Variants in GBE1 observed in about 807,000 individuals in gnomAD.
GBE1 encodes 1,4-alpha-glucan branching enzyme 1, also known as 1,4-alpha-glucan-branching enzyme.
Under a neutral mutation model 88.8 loss-of-function variants are expected in GBE1, and 70 were observed. That is an observed-to-expected ratio of 0.79 (90% CI 0.65 to 0.96). The LOEUF is 0.96. Ranked by LOEUF, GBE1 falls within the 40% of genes least tolerant of loss-of-function variation. GBE1 has a pLI of 0.00. For missense variants in GBE1, 872 were observed against 871.0 expected, an observed-to-expected ratio of 1.00 and a Z score of -0.01; for synonymous variants, 284 against 300.1, an observed-to-expected ratio of 0.95 and a Z score of 0.56.
intron 7 of GBE1, among the ~76,000 whole-genome samples, chr3:81,622,252 C>G (rs1021361186): frequency 6.6e-6 from 1 of 152,204 alleles, no homozygotes; most frequent in African/African-American, 2.4e-5. Context: ...GACCACCATG[C>G]TAAATCAATG....
intron 2 of GBE1, among the ~76,000 whole-genome samples, chr3:81,680,251 T>C (rs1269641411): frequency 1.3e-5 from 2 of 152,170 alleles, no homozygotes; most frequent in African/African-American, 4.8e-5. Flanking sequence ...CCCAGCGCTT[T>C]GGGAGGCCGA....
At chr3:81,737,765 A>G (rs1232789209) in intron 1 of GBE1, among the ~76,000 whole-genome samples, 1 of 151,682 alleles carries the variant, frequency 6.6e-6, no homozygotes, top group Middle Eastern at 3.4e-3. Flanking sequence ...TTTGTTTATT[A>G]TTATACTTTA....
At chr3:81,515,809 T>C (rs1040180589) in intron 14 of GBE1, among the ~76,000 whole-genome samples, 1 of 151,528 alleles carries the variant, frequency 6.6e-6, no homozygotes, top group Admixed American at 6.6e-5. Flanking sequence ...GGAAGAAGTT[T>C]TTGGTGGTCT....
chr3:81,506,019 A>C (rs1702649027), intron 14 of GBE1, among the ~76,000 whole-genome samples: 3 of 152,274 alleles, frequency 2.0e-5, no homozygotes, highest in Admixed American at 6.5e-5. Flanking sequence ...GCGAGGGCAA[A>C]GATTTCATGA....
At chr3:81,498,147 C>T (rs1702541991) in intron 15 of GBE1, among the ~76,000 whole-genome samples, 1 of 152,108 alleles carries the variant, frequency 6.6e-6, no homozygotes, top group Non-Finnish European at 1.5e-5. Flanking sequence ...AATCCCTGCT[C>T]TTTTCAATGA....
chr3:81,631,759 AC>A (rs1405260692), intron 7 of GBE1, among the ~76,000 whole-genome samples: 2 of 151,230 alleles, frequency 1.3e-5, no homozygotes, highest in Non-Finnish European at 2.9e-5. Context: ...AAAAAAAAAA[AC>A]ATAAAAAATA....
At chr3:81,598,701 G>T (rs1159463666) in intron 7 of GBE1, among the ~76,000 whole-genome samples, 4 of 151,594 alleles carry the variant, frequency 2.6e-5, no homozygotes, top group Non-Finnish European at 4.4e-5. Flanking sequence ...AGTGTATCTG[G>T]ATTTTAGACA....
At chr3:81,591,001 A>C in intron 9 of GBE1, 36 bp downstream of exon 9, 2 of 1,572,632 alleles carry the variant, frequency 1.3e-6, no homozygotes. Context: ...TCTCTATTAA[A>C]GGGGGTCAGA....
At chr3:81,663,852 T>A (rs1705069016) in intron 3 of GBE1, among the ~76,000 whole-genome samples, 1 of 152,068 alleles carries the variant, frequency 6.6e-6, no homozygotes, top group South Asian at 2.1e-4. Flanking sequence ...CACACCCCCA[T>A]CGCGCGCCCT....
chr3:81,569,478 T>TG (rs1330715465), intron 12 of GBE1, among the ~76,000 whole-genome samples: 2 of 152,230 alleles, frequency 1.3e-5, no homozygotes, highest in Non-Finnish European at 2.9e-5. Context: ...GGGTCAGAGA[T>TG]GTTCATGCCC....
chr3:81,664,101 T>C (rs1559680636), intron 3 of GBE1, among the ~76,000 whole-genome samples: 1 of 152,150 alleles, frequency 6.6e-6, no homozygotes, highest in Non-Finnish European at 1.5e-5. Context: ...ATTACAGTTA[T>C]GCAAAAAGAC....
chr3:81,621,434 G>C (rs1237501033), intron 7 of GBE1, among the ~76,000 whole-genome samples: 1 of 152,118 alleles, frequency 6.6e-6, no homozygotes, highest in Non-Finnish European at 1.5e-5. Flanking sequence ...GGGATCCTAA[G>C]AGACTGCCCT....
intron 14 of GBE1, among the ~76,000 whole-genome samples, chr3:81,518,097 C>T (rs73125173): frequency 6.6e-6 from 1 of 151,316 alleles, no homozygotes; most frequent in Non-Finnish European, 1.5e-5. Flanking sequence ...TTCCTCCCCC[C>T]CAAACCCCAA....
chr3:81,744,019 A>G (rs900259941), intron 1 of GBE1, among the ~76,000 whole-genome samples: 1 of 152,124 alleles, frequency 6.6e-6, no homozygotes, highest in Non-Finnish European at 1.5e-5. Flanking sequence ...CTTTGGGTCT[A>G]ATTACCTCTG....
intron 12 of GBE1, 31 bp downstream of exon 12, chr3:81,577,894 C>T: frequency 6.5e-7 from 1 of 1,532,340 alleles, no homozygotes; most frequent in Non-Finnish European, 8.7e-7. Flanking sequence ...ATTTTAAACA[C>T]AAATTGCATA....
intron 15 of GBE1, among the ~76,000 whole-genome samples, chr3:81,498,047 A>C (rs1231461592): frequency 6.6e-6 from 1 of 152,170 alleles, no homozygotes; most frequent in Non-Finnish European, 1.5e-5. Context: ...ACCCATATGC[A>C]CACACATACA....
At chr3:81,595,869 C>T (rs80156457) in intron 7 of GBE1, among the ~76,000 whole-genome samples, 5,469 of 151,908 alleles carry the variant, frequency 0.036, 335 homozygotes, top group African/African-American at 0.12. Flanking sequence ...GTATGAACAA[C>T]AAAAAAATTC....
chr3:81,492,458 C>A (rs1159085996), intron 15 of GBE1, among the ~76,000 whole-genome samples: 1 of 151,602 alleles, frequency 6.6e-6, no homozygotes, highest in South Asian at 2.1e-4. Context: ...AAAATGAACA[C>A]AAACCAAAGC....
At position 81,503,297 on chromosome 3, in the gene GBE1, G is replaced by A. The variant is rs571485497; in HGVS notation, c.1935-4070C>T. Among the ~76,000 whole-genome samples the A allele has an allele frequency of 2.6e-5, 4 of 152,250 alleles. No individual in the cohort carries two copies. In the South Asian group the frequency reaches 8.3e-4, roughly 32 times the overall value. On this transcript the variant is annotated intron_variant, in intron 14 of 15. Coordinates refer to ENST00000429644, the MANE Select transcript of GBE1 (RefSeq NM_000158.4). ...GCAAAAAGCAATATGCAATGAGAGG[G>A]AGAGTCAAGGAAGAAAAATATGAGG...
Sources: gnomAD v4.1 joint callset for allele counts (sites outside exome capture counted in the v4.1 genomes callset) on GRCh38, gnomAD v4.1.1 for gene constraint, MANE v1.5 for transcripts, NCBI Gene and HGNC (gene_info 2026-07-23, HGNC 2026-07-21) for gene names.